CORIN: variants seen among roughly 807,000 people sequenced by gnomAD.
The protein encoded by CORIN is atrial natriuretic peptide-converting enzyme.
In CORIN, 117 loss-of-function variants were observed where a neutral mutation model predicts 125.3. That is an observed-to-expected ratio of 0.93 (90% CI 0.80 to 1.09). The LOEUF (loss-of-function observed/expected upper bound fraction) is 1.09. CORIN is among the 50% of genes least tolerant of loss of function. The pLI is 0.00. For synonymous variants in CORIN, 450 were observed against 466.4 expected, an observed-to-expected ratio of 0.96 and a Z score of 0.45; for missense variants, 1,253 against 1,306.7, an observed-to-expected ratio of 0.96 and a Z score of 0.63.
At chr4:47,630,143 C>T (rs1168284923) in intron 16 of CORIN, among the ~76,000 whole-genome samples, 1 of 152,146 alleles carries the variant, frequency 6.6e-6, no homozygotes, top group East Asian at 1.9e-4. Context: ...ATATCGTAAA[C>T]ATTCACCTTC....
rs1242485813 is a variant in CORIN, at chr4:47,594,095, A to ATACATTGAGTATGTAGC, written c.*1609_*1625dup. 3 of 152,106 alleles carry ATACATTGAGTATGTAGC rather than the reference A, an allele frequency of 2.0e-5. No homozygotes were observed. Among genetic ancestry groups the ATACATTGAGTATGTAGC allele is most frequent in the Non-Finnish European group, 4.4e-5 (3 of 67,986 alleles). 9.4% of individuals were successfully genotyped at this position (152,106 alleles called of 1,614,324 possible). A position where few individuals can be genotyped will look rare whatever the true frequency, so the allele number is the denominator to read the frequency against. On this transcript the variant is annotated 3_prime_UTR_variant, in exon 22 of 22. Coordinates refer to ENST00000273857, the MANE Select transcript of CORIN (RefSeq NM_006587.4). ...CCTAAGTTGAGCAGGCTAAAAGTTG[A>ATACATTGAGTATGTAGC]TACATTGAGTATGTAGCTACAACTG... is the stretch of plus-strand genomic sequence containing the variant.
At chr4:47,744,157 A>G (rs1332182604) in intron 5 of CORIN, among the ~76,000 whole-genome samples, 1 of 152,166 alleles carries the variant, frequency 6.6e-6, no homozygotes, top group East Asian at 1.9e-4. Flanking sequence ...AGTAAGCAAA[A>G]CTAAGGTGAT....
At chr4:47,620,785 G>A (rs559954008) in intron 19 of CORIN, among the ~76,000 whole-genome samples, 97 of 152,310 alleles carry the variant, frequency 6.4e-4, no homozygotes, top group African/African-American at 2.0e-3. Flanking sequence ...CTTCCTGCCC[G>A]CACCAACTCT....
intron 10 of CORIN, among the ~76,000 whole-genome samples, chr4:47,668,065 G>C (rs758192626): frequency 6.6e-6 from 1 of 152,172 alleles, no homozygotes; most frequent in African/African-American, 2.4e-5. Flanking sequence ...CTGCAGCCCA[G>C]AGAGGGTCCT....
At chr4:47,826,811 C>T (rs1732759930) in intron 1 of CORIN, among the ~76,000 whole-genome samples, 1 of 151,918 alleles carries the variant, frequency 6.6e-6, no homozygotes, top group Admixed American at 6.6e-5. Flanking sequence ...TCCATAAAGC[C>T]CTGTACCCTC....
intron 13 of CORIN, chr4:47,652,597 GTTAC>G (rs1723783461): frequency 6.6e-6 from 1 of 152,148 alleles, no homozygotes; most frequent in East Asian, 1.9e-4. Context: ...ATACATTGTG[GTTAC>G]AAGTACAAAG....
intron 19 of CORIN, among the ~76,000 whole-genome samples, chr4:47,608,491 A>G (rs1721748833): frequency 6.6e-6 from 1 of 152,242 alleles, no homozygotes; most frequent in Admixed American, 6.5e-5. Context: ...TGTGAGAGGA[A>G]GGAAGCAGGC....
intron 4 of CORIN, among the ~76,000 whole-genome samples, chr4:47,759,625 C>A (rs1729354873): frequency 6.6e-6 from 1 of 152,178 alleles, no homozygotes; most frequent in South Asian, 2.1e-4. Flanking sequence ...TTAAACATCA[C>A]TAATTATCAG....
chr4:47,835,109 G>A (rs2109999651), intron 1 of CORIN, among the ~76,000 whole-genome samples: 1 of 152,306 alleles, frequency 6.6e-6, no homozygotes, highest in Non-Finnish European at 1.5e-5. Flanking sequence ...AGTGTATTAT[G>A]TCTGTGTGTG....
At chr4:47,606,765 TCTC>T (rs915439260) in intron 19 of CORIN, among the ~76,000 whole-genome samples, 5 of 151,990 alleles carry the variant, frequency 3.3e-5, no homozygotes, top group South Asian at 2.1e-4. Context: ...TCCTCCCTTC[TCTC>T]CTTTCTTCTT....
intron 19 of CORIN, among the ~76,000 whole-genome samples, chr4:47,615,547 A>C (rs1722039074): frequency 1.3e-5 from 2 of 152,232 alleles, no homozygotes; most frequent in Admixed American, 1.3e-4. Context: ...ATGGGCTTGA[A>C]TCCAATATGA....
At chr4:47,709,583 C>T (rs1172056299) in intron 5 of CORIN, among the ~76,000 whole-genome samples, 1 of 152,146 alleles carries the variant, frequency 6.6e-6, no homozygotes, top group African/African-American at 2.4e-5. Flanking sequence ...TGAACCACTG[C>T]ACCTGGCCAG....
chr4:47,664,500 C>A (rs1036965193), intron 11 of CORIN, among the ~76,000 whole-genome samples: 4 of 152,168 alleles, frequency 2.6e-5, no homozygotes, highest in Admixed American at 1.3e-4. Flanking sequence ...ACTCTTGACA[C>A]TAGAATATCA....
intron 9 of CORIN, among the ~76,000 whole-genome samples, chr4:47,674,768 GA>G (rs991158905): frequency 6.6e-6 from 1 of 151,930 alleles, no homozygotes; most frequent in Non-Finnish European, 1.5e-5. Flanking sequence ...CATTTAATGG[GA>G]AAAAAATAGT....
intron 5 of CORIN, among the ~76,000 whole-genome samples, chr4:47,695,851 A>G (rs1302985413): frequency 6.6e-6 from 1 of 152,234 alleles, no homozygotes; most frequent in African/African-American, 2.4e-5. Context: ...AATGAAGGAA[A>G]TGAAGTATCA....
chr4:47,623,575 C>G lies in CORIN; in HGVS notation c.2536G>C (p.Glu846Gln). 6.2e-7 allele frequency: 1 copy of G among 1,613,972 alleles called. No individual in the cohort carries two copies. The highest frequency in any genetic ancestry group is 8.5e-7 in the Non-Finnish European group (1 of 1,179,918). Residue 846 changes from glutamate (E) to glutamine (Q), a missense_variant, in exon 19 of 22, where the codon GAG (glutamate) becomes CAG (glutamine). Physicochemically the swap from Glu to Gln is conservative, Grantham distance 29. Coordinates refer to ENST00000273857, the MANE Select transcript of CORIN (RefSeq NM_006587.4). The part of the protein sequence containing the change: ...KWVLTVAHCF[E>Q]GRENAAVWKV... ...AAAAGGAAAGGTGCAGCTTACCCCT[C>G]GAAGCAGTGGGCAACTGTCAGAACC... is the stretch of plus-strand genomic sequence containing the variant.
At chr4:47,784,616 T>G (rs1054868472) in intron 3 of CORIN, among the ~76,000 whole-genome samples, 1 of 152,208 alleles carries the variant, frequency 6.6e-6, no homozygotes, top group Non-Finnish European at 1.5e-5. Flanking sequence ...ATGCACTTAG[T>G]AGAAGAAAAT....
At chr4:47,601,591 T>C (rs559995231) in intron 20 of CORIN, among the ~76,000 whole-genome samples, 11 of 152,018 alleles carry the variant, frequency 7.2e-5, no homozygotes, top group Non-Finnish European at 1.3e-4. Flanking sequence ...CTATACTACA[T>C]GTGTGGAGTG....
chr4:47,628,226 ATTTG>A (rs1016924511), intron 16 of CORIN, among the ~76,000 whole-genome samples: 5 of 152,250 alleles, frequency 3.3e-5, no homozygotes, highest in African/African-American at 1.2e-4. Context: ...AAGTCAGTGA[ATTTG>A]TTTGGTTGTA....
Sources: gnomAD v4.1 joint callset for allele counts (sites outside exome capture counted in the v4.1 genomes callset) on GRCh38, gnomAD v4.1.1 for gene constraint, MANE v1.5 for transcripts, NCBI Gene and HGNC (gene_info 2026-07-23, HGNC 2026-07-21) for gene names.